Variants in DROSHA observed in about 807,000 individuals in gnomAD.
The protein encoded by DROSHA is ribonuclease 3.
Under a neutral mutation model 181.9 loss-of-function variants are expected in DROSHA, and 56 were observed. That is an observed-to-expected ratio of 0.31 (90% confidence interval 0.25 to 0.38). The LOEUF is 0.38. Among genes scored for constraint, DROSHA ranks in the 10% least tolerant of loss-of-function variants. The pLI is 1.00. For missense variants in DROSHA, 1,218 were observed against 1,743.5 expected (o/e 0.70, Z 5.37); for synonymous variants, 524 against 591.2 (o/e 0.89, Z 1.65).
chr5:31,528,451 C>T (rs1375290423), intron 4 of DROSHA, among the ~76,000 whole-genome samples: 1 of 152,160 alleles, frequency 6.6e-6, no homozygotes, highest in Middle Eastern at 3.2e-3. Context: ...GTCCTTAAGA[C>T]ATGTAACAGG....
intron 3 of DROSHA, 123 bp downstream of exon 3, chr5:31,530,675 A>G: frequency 2.9e-6 from 1 of 350,284 alleles, no homozygotes; most frequent in Non-Finnish European, 5.1e-6. Context: ...GAATCTGCCC[A>G]GTGATTTTCT....
At chr5:31,413,151 T>C (rs1173053721) in intron 30 of DROSHA, among the ~76,000 whole-genome samples, 1 of 152,172 alleles carries the variant, frequency 6.6e-6, no homozygotes, top group Non-Finnish European at 1.5e-5. Context: ...TAATGCTGTC[T>C]GACGGTGAAG....
At chr5:31,516,218 G>A (rs987726991) in intron 6 of DROSHA, among the ~76,000 whole-genome samples, 4 of 152,148 alleles carry the variant, frequency 2.6e-5, no homozygotes, top group African/African-American at 9.7e-5. Context: ...ATTGCACCAC[G>A]CACTCCAGCC....
At chr5:31,477,990 A>C (rs888268003) in intron 16 of DROSHA, among the ~76,000 whole-genome samples, 1 of 152,236 alleles carries the variant, frequency 6.6e-6, no homozygotes, top group Non-Finnish European at 1.5e-5. Context: ...GCTATCTTCA[A>C]AAGGGATAAA....
intron 13 of DROSHA, 136 bp downstream of exon 13, chr5:31,493,071 A>G: frequency 1.1e-6 from 1 of 893,204 alleles, no homozygotes; most frequent in Non-Finnish European, 1.7e-6. Context: ...GACTTCCTGC[A>G]GCTCATTTAC....
At chr5:31,508,373 A>C (rs1031813082) in intron 10 of DROSHA, among the ~76,000 whole-genome samples, 1 of 152,180 alleles carries the variant, frequency 6.6e-6, no homozygotes, top group Admixed American at 6.5e-5. Context: ...CAATTTAATG[A>C]GGCAGGGCCA....
chr5:31,527,169 C>G lies in DROSHA; in HGVS notation c.21-257G>C, dbSNP rs76827821. ...TCCCTGGACCGACCATTCCTTAAAG[C>G]TGCTCCACTTCCAAAATGACCAATT... On this transcript the variant is annotated intron_variant, in intron 4 of 35. Coordinates refer to ENST00000344624, the MANE Select transcript of DROSHA (RefSeq NM_001382508.1). 3.4e-3 allele frequency among the ~76,000 whole-genome samples: 524 copies of G among 152,250 alleles called. 4 individuals are homozygous for G. Among genetic ancestry groups the G allele is most frequent in the African/African-American group, 0.012 (501 of 41,530 alleles).
chr5:31,416,236 T>C (rs1160878418), intron 30 of DROSHA, among the ~76,000 whole-genome samples: 5 of 152,196 alleles, frequency 3.3e-5, no homozygotes, highest in Non-Finnish European at 7.3e-5. Flanking sequence ...CCTCTCCAAA[T>C]TTTAAATTAA....
chr5:31,510,555 C>T (rs1050667251), intron 9 of DROSHA, among the ~76,000 whole-genome samples: 1 of 152,200 alleles, frequency 6.6e-6, no homozygotes. Context: ...TACTTGGAAC[C>T]TCAGAACATA....
Position 31,472,135 on chromosome 5 carries a change from A to T in DROSHA, c.2169T>A (p.Leu723=). Residue 723 remains leucine (L), a synonymous_variant, in exon 17 of 36, where the codon CTT becomes CTA. Coordinates refer to ENST00000344624, the MANE Select transcript of DROSHA (RefSeq NM_001382508.1). ...TCTGCCACTCCAGCTCCTCCCACTG[A>T]AGCATATTGGCAATCTCCTCCTCAG... ...LVPEEEIANM[L]QWEELEWQKY... The T allele has an allele frequency of 6.2e-7, 1 of 1,613,914 alleles. No homozygotes were observed. The highest frequency in any genetic ancestry group is 1.1e-5 in the South Asian group (1 of 91,070).
chr5:31,483,558 A>G lies in DROSHA; in HGVS notation c.2067T>C (p.Leu689=), dbSNP rs780438863. 2.5e-6 allele frequency: 4 copies of G among 1,613,580 alleles called. No homozygotes were observed. Among genetic ancestry groups the G allele is most frequent in the South Asian group, 2.2e-5 (2 of 90,964 alleles). Residue 689 remains leucine, a synonymous_variant, in exon 16 of 36, where the codon CTT becomes CTC. Transcript: ENST00000344624. ...CTGACAAGCCAGAAGATTTACCTGGAAGAAATCTTACAAAACGTGGCATGA... is the reference window on the plus strand; with the variant it reads ...CTGACAAGCCAGAAGATTTACCTGGGAGAAATCTTACAAAACGTGGCATGA... ...FHFMPRFVRF[L]PDGGKEVLSM...
intron 10 of DROSHA, among the ~76,000 whole-genome samples, chr5:31,506,476 G>C (rs752294070): frequency 6.6e-6 from 1 of 151,136 alleles, no homozygotes; most frequent in Non-Finnish European, 1.5e-5. Flanking sequence ...TCAGGAGTTC[G>C]AGAACAGCCT....
At chr5:31,463,623 G>A (rs1580181892) in intron 20 of DROSHA, among the ~76,000 whole-genome samples, 1 of 152,102 alleles carries the variant, frequency 6.6e-6, no homozygotes, top group Non-Finnish European at 1.5e-5. Flanking sequence ...GAATATGTTG[G>A]TTTAGGGGAT....
chr5:31,493,374 T>C, intron 12 of DROSHA, 81 bp from the exon 13 acceptor site: 2 of 1,268,452 alleles, frequency 1.6e-6, no homozygotes, highest in East Asian at 2.6e-5. Flanking sequence ...GGACAGAAAG[T>C]AACCAATAGA....
intron 4 of DROSHA, chr5:31,527,520 T>TC (rs1198285085): frequency 1.9e-5 from 3 of 154,342 alleles, no homozygotes; most frequent in Admixed American, 1.9e-4. Flanking sequence ...TTTGTGTCCA[T>TC]CCCAAAATTC....
intron 23 of DROSHA, among the ~76,000 whole-genome samples, chr5:31,440,728 C>T (rs1745478101): frequency 6.6e-6 from 1 of 152,150 alleles, no homozygotes; most frequent in Non-Finnish European, 1.5e-5. Flanking sequence ...GTGGAAAGTT[C>T]CACACCTGAC....
intron 20 of DROSHA, among the ~76,000 whole-genome samples, chr5:31,459,472 T>C (rs1301313365): frequency 6.6e-6 from 1 of 151,596 alleles, no homozygotes; most frequent in East Asian, 1.9e-4. Flanking sequence ...AACAAATCTT[T>C]CCTTTCTTCA....
chr5:31,485,011 T>C, intron 14 of DROSHA, 49 bp from the exon 15 acceptor site: 3 of 1,289,416 alleles, frequency 2.3e-6, no homozygotes, highest in Non-Finnish European at 3.3e-6. Context: ...AAAATATACA[T>C]TAACTGAAGG....
chr5:31,451,193 ACT>A (rs1156337331), intron 21 of DROSHA, among the ~76,000 whole-genome samples: 1 of 152,100 alleles, frequency 6.6e-6, no homozygotes, highest in Non-Finnish European at 1.5e-5. Context: ...CAAGAGCGAA[ACT>A]CTGTACCAGA....
Sources: gnomAD v4.1 joint callset for allele counts (sites outside exome capture counted in the v4.1 genomes callset) on GRCh38, gnomAD v4.1.1 for gene constraint, MANE v1.5 for transcripts, NCBI Gene and HGNC (gene_info 2026-07-23, HGNC 2026-07-21) for gene names.